The following ALDH1A2 variants were observed in gnomAD, a reference collection of about 807,000 sequenced individuals.
The protein encoded by ALDH1A2 is retinal dehydrogenase 2.
ALDH1A2 carries 27 observed loss-of-function variants against 60.3 expected under a neutral mutation model. The ratio of observed to expected loss-of-function variants is 0.45; its 90% confidence interval spans 0.33 to 0.62. ALDH1A2 has a LOEUF of 0.62. ALDH1A2 is among the 20% of genes least tolerant of loss of function. The pLI is 0.02. For synonymous variants in ALDH1A2, 289 were observed against 232.4 expected, an observed-to-expected ratio of 1.24 and a Z score of -2.21; for missense variants, 581 against 643.8, an observed-to-expected ratio of 0.90 and a Z score of 1.06.
At chr15:58,049,827 A>AC (rs1163634817) in intron 1 of ALDH1A2, among the ~76,000 whole-genome samples, 1 of 151,744 alleles carries the variant, frequency 6.6e-6, no homozygotes, top group African/African-American at 2.4e-5. Flanking sequence ...GCTTTTATGT[A>AC]CCCCCCTGTC....
intron 1 of ALDH1A2, among the ~76,000 whole-genome samples, chr15:58,016,811 A>G (rs573142566): frequency 1.2e-4 from 19 of 152,312 alleles, no homozygotes; most frequent in African/African-American, 4.6e-4. Flanking sequence ...CCACTGTATC[A>G]TCCTTCCGTT....
chr15:57,988,218 G>A (rs527935262), intron 7 of ALDH1A2, among the ~76,000 whole-genome samples: 2 of 152,320 alleles, frequency 1.3e-5, no homozygotes, highest in South Asian at 4.1e-4. Flanking sequence ...GAACAATGCT[G>A]CTGTATGGTT....
chr15:57,999,237 A>G (rs1447153448), intron 4 of ALDH1A2, among the ~76,000 whole-genome samples: 1 of 152,174 alleles, frequency 6.6e-6, no homozygotes, highest in Non-Finnish European at 1.5e-5. Flanking sequence ...GCACAGCAAA[A>G]GGAACTATCA....
At chr15:57,991,430 A>G (rs1268004565) in intron 7 of ALDH1A2, 1 of 152,240 alleles carries the variant, frequency 6.6e-6, no homozygotes, top group Non-Finnish European at 1.5e-5. Flanking sequence ...TTAATATTCA[A>G]GTTTATTAAT....
chr15:58,044,505 CAGTA>C (rs1362441830), intron 1 of ALDH1A2, among the ~76,000 whole-genome samples: 1 of 151,916 alleles, frequency 6.6e-6, no homozygotes, highest in Non-Finnish European at 1.5e-5. Flanking sequence ...ACACAGGTGC[CAGTA>C]AAATAATTTT....
chr15:58,014,085 G>A, intron 2 of ALDH1A2, 87 bp from the exon 3 acceptor site: 1 of 1,613,878 alleles, frequency 6.2e-7, no homozygotes, highest in South Asian at 1.1e-5. Flanking sequence ...TGAAGCATGA[G>A]CATGTAGTGG....
At chr15:57,957,286 G>A (rs1203703509) in intron 12 of ALDH1A2, among the ~76,000 whole-genome samples, 2 of 152,068 alleles carry the variant, frequency 1.3e-5, no homozygotes, top group African/African-American at 2.4e-5. Flanking sequence ...GTATACATAA[G>A]TATCACCCAA....
At chr15:57,969,745 G>A (rs529539106) in intron 7 of ALDH1A2, among the ~76,000 whole-genome samples, 2 of 152,288 alleles carry the variant, frequency 1.3e-5, no homozygotes, top group Admixed American at 6.5e-5. Context: ...GATTAAATAG[G>A]ATAAAGGCAC....
chr15:58,001,034 T>TAAAAAAAAAAAAAAAAAAAAAA (rs10641902), intron 4 of ALDH1A2, among the ~76,000 whole-genome samples: 1 of 126,240 alleles, frequency 7.9e-6, no homozygotes, highest in Non-Finnish European at 1.6e-5. Flanking sequence ...TCAAAATTGT[T>TAAAAAAAAAAAAAAAAAAAAAA]AAAAAAAAAA....
At chr15:58,019,118 A>G (rs544570210) in intron 1 of ALDH1A2, among the ~76,000 whole-genome samples, 1 of 152,222 alleles carries the variant, frequency 6.6e-6, no homozygotes, top group East Asian at 1.9e-4. Context: ...TTTGAACTTT[A>G]TTTTTGTAAA....
At chr15:57,967,030 T>C (rs567619036) in intron 7 of ALDH1A2, among the ~76,000 whole-genome samples, 1 of 152,312 alleles carries the variant, frequency 6.6e-6, no homozygotes, top group Middle Eastern at 3.4e-3. Context: ...ATTAAATATT[T>C]TAAAAGCGGG....
At chr15:58,024,364 A>C (rs1242085704) in intron 1 of ALDH1A2, among the ~76,000 whole-genome samples, 1 of 152,216 alleles carries the variant, frequency 6.6e-6, no homozygotes, top group Non-Finnish European at 1.5e-5. Flanking sequence ...GTAGACTGAA[A>C]GTTAAGAGAT....
intron 1 of ALDH1A2, among the ~76,000 whole-genome samples, chr15:58,041,345 C>T (rs1896514262): frequency 6.6e-6 from 1 of 151,878 alleles, no homozygotes; most frequent in African/African-American, 2.4e-5. Context: ...TTTGCACAGA[C>T]CAGTGTGTTA....
intron 2 of ALDH1A2, 43 bp from the exon 3 acceptor site, chr15:58,014,041 A>C: frequency 6.2e-7 from 1 of 1,614,090 alleles, no homozygotes. Context: ...AACACTCCAA[A>C]TAAAGGAAGA....
At chr15:57,984,943 A>T (rs1472771739) in intron 7 of ALDH1A2, among the ~76,000 whole-genome samples, 1 of 152,146 alleles carries the variant, frequency 6.6e-6, no homozygotes, top group Non-Finnish European at 1.5e-5. Context: ...CATATATAAA[A>T]CCAATCTTGC....
At chr15:58,021,252 A>G (rs1261037268) in intron 1 of ALDH1A2, among the ~76,000 whole-genome samples, 2 of 152,240 alleles carry the variant, frequency 1.3e-5, no homozygotes, top group African/African-American at 4.8e-5. Flanking sequence ...GAAGCAGTTT[A>G]TATGACTGAC....
chr15:58,026,305 A>C (rs1267277771), intron 1 of ALDH1A2, among the ~76,000 whole-genome samples: 2 of 152,192 alleles, frequency 1.3e-5, no homozygotes, highest in African/African-American at 4.8e-5. Flanking sequence ...ATACACTGAA[A>C]ATCTACAGAA....
At chr15:58,009,460 G>A (rs1895559939) in intron 4 of ALDH1A2, among the ~76,000 whole-genome samples, 1 of 151,770 alleles carries the variant, frequency 6.6e-6, no homozygotes, top group African/African-American at 2.4e-5. Flanking sequence ...GGCTAAGAAG[G>A]CCCAAAAGAG....
intron 9 of ALDH1A2, among the ~76,000 whole-genome samples, chr15:57,963,433 G>A (rs35589936): frequency 0.025 from 3,791 of 149,018 alleles, 108 homozygotes; most frequent in Non-Finnish European, 0.041. Context: ...TCCATCTCCC[G>A]GGTTCACGCC....
Sources: gnomAD v4.1 joint callset for allele counts (sites outside exome capture counted in the v4.1 genomes callset) on GRCh38, gnomAD v4.1.1 for gene constraint, MANE v1.5 for transcripts, NCBI Gene and HGNC (gene_info 2026-07-23, HGNC 2026-07-21) for gene names.